Variants in DPP6 observed in about 807,000 individuals in gnomAD.
The protein encoded by DPP6 is dipeptidyl peptidase like 6, also known as A-type potassium channel modulatory protein DPP6.
DPP6 carries 69 observed loss-of-function variants against 122.6 expected under a neutral mutation model. The ratio of observed to expected loss-of-function variants is 0.56; its 90% CI spans 0.46 to 0.69. The LOEUF is 0.69. DPP6 is among the 30% of genes least tolerant of loss of function. The pLI is 0.00. For synonymous variants in DPP6, 418 were observed against 433.1 expected (o/e 0.97, Z 0.43); for missense variants, 928 against 1,116.9 (o/e 0.83, Z 2.41).
chr7:154,851,199 T>C (rs1802349517), intron 16 of DPP6, among the ~76,000 whole-genome samples: 1 of 152,120 alleles, frequency 6.6e-6, no homozygotes, highest in Non-Finnish European at 1.5e-5. Context: ...CAGTAGCTTT[T>C]TTATTGTATG....
At chr7:154,057,605 T>C (rs1800964804) in intron 1 of DPP6, 1 of 150,790 alleles carries the variant, frequency 6.6e-6, no homozygotes, top group Non-Finnish European at 1.5e-5. Context: ...GTGAGAGAAT[T>C]CTTAGGAGCT....
chr7:154,799,372 C>G (rs1350192073), intron 12 of DPP6, among the ~76,000 whole-genome samples: 1 of 152,120 alleles, frequency 6.6e-6, no homozygotes, highest in African/African-American at 2.4e-5. Context: ...GCAGGCAATC[C>G]CCCCTGCCAC....
intron 16 of DPP6, among the ~76,000 whole-genome samples, chr7:154,813,877 CTT>C (rs35188883): frequency 0.012 from 1,131 of 94,468 alleles, 7 homozygotes; most frequent in African/African-American, 0.043. Flanking sequence ...AAGCACATTT[CTT>C]TTTTTTTTTT....
At chr7:154,374,776 TA>T (rs1812987404) in intron 1 of DPP6, among the ~76,000 whole-genome samples, 1 of 151,964 alleles carries the variant, frequency 6.6e-6, no homozygotes. Context: ...CAGGCCCAGC[TA>T]ATTTTTGTAT....
chr7:154,304,191 T>G (rs1806100649), intron 1 of DPP6, among the ~76,000 whole-genome samples: 2 of 151,776 alleles, frequency 1.3e-5, no homozygotes, highest in African/African-American at 2.4e-5. Flanking sequence ...AGACCAGGAG[T>G]GGGAAATGCA....
At chr7:154,292,139 T>C (rs368347149) in intron 1 of DPP6, among the ~76,000 whole-genome samples, 3 of 152,168 alleles carry the variant, frequency 2.0e-5, no homozygotes, top group African/African-American at 7.2e-5. Flanking sequence ...TATAGAGATA[T>C]GGCACTCTTA....
At chr7:154,284,323 T>C (rs1804712266) in intron 1 of DPP6, among the ~76,000 whole-genome samples, 1 of 152,214 alleles carries the variant, frequency 6.6e-6, no homozygotes, top group African/African-American at 2.4e-5. Flanking sequence ...AAATTAGTTA[T>C]GTTTCTGAAA....
At chr7:154,693,350 T>C (rs531766065) in intron 7 of DPP6, among the ~76,000 whole-genome samples, 5 of 152,220 alleles carry the variant, frequency 3.3e-5, no homozygotes, top group South Asian at 2.1e-4. Flanking sequence ...CCAAGTGATA[T>C]TTTTCAGCTT....
chr7:153,824,523 C>T, the DPP6 span, among the ~76,000 whole-genome samples: 1 of 151,758 alleles, frequency 6.6e-6, no homozygotes, highest in African/African-American at 2.4e-5. Context: ...CCCACCTCTA[C>T]TAAAAATATA....
chr7:153,881,847 C>T, the DPP6 span, among the ~76,000 whole-genome samples: 2 of 152,148 alleles, frequency 1.3e-5, no homozygotes, highest in Admixed American at 1.3e-4. Flanking sequence ...TTTCAGCTGT[C>T]ATCACTTGCT....
chr7:154,457,157 C>T (rs1350027525), intron 2 of DPP6, among the ~76,000 whole-genome samples: 2 of 75,196 alleles, frequency 2.7e-5, no homozygotes, highest in African/African-American at 4.3e-5. Flanking sequence ...CAAAAGTGGG[C>T]GAAGGACATG....
chr7:153,949,108 G>A (rs1802085405), intron 1 of DPP6, among the ~76,000 whole-genome samples: 1 of 152,206 alleles, frequency 6.6e-6, no homozygotes, highest in South Asian at 2.1e-4. Flanking sequence ...CCTGCAGGCA[G>A]CTGGGGTGGT....
intron 1 of DPP6, among the ~76,000 whole-genome samples, chr7:154,125,767 C>T (rs1445959292): frequency 3.9e-5 from 6 of 152,102 alleles, no homozygotes; most frequent in Non-Finnish European, 8.8e-5. Context: ...AAAGCAGAGA[C>T]TCTATTGTGT....
intron 1 of DPP6, among the ~76,000 whole-genome samples, chr7:154,204,586 G>T (rs927073875): frequency 6.6e-6 from 1 of 152,154 alleles, no homozygotes. Context: ...TGGAAGGGAC[G>T]CTGCTCAGAC....
chr7:154,624,369 A>G lies in DPP6; in HGVS notation c.628-13452A>G, dbSNP rs1326421036. On this transcript the variant is annotated intron_variant, in intron 5 of 25. Transcript: ENST00000377770. This position sits in a 1 kb window ranked among gnomAD's most constrained non-coding sequence, Gnocchi z 4.7. ...CAGCTTGGTGTGGTGGTAGGTGCCTATAATCCCAGCTACTCAGAAGGCTGA... is the reference window on the plus strand; with the variant it reads ...CAGCTTGGTGTGGTGGTAGGTGCCTGTAATCCCAGCTACTCAGAAGGCTGA... Among the ~76,000 whole-genome samples, 1 of 150,368 alleles carries G rather than the reference A, an allele frequency of 6.7e-6. No individual in the cohort carries two copies. The highest frequency in any genetic ancestry group is 1.5e-5 in the Non-Finnish European group (1 of 67,832).
chr7:154,586,900 C>G (rs1391106260), intron 5 of DPP6, among the ~76,000 whole-genome samples: 1 of 152,236 alleles, frequency 6.6e-6, no homozygotes, highest in Non-Finnish European at 1.5e-5. Context: ...CTGTGAGCCC[C>G]TCATGAGCAG....
chr7:154,130,294 T>C (rs991735175), intron 1 of DPP6, among the ~76,000 whole-genome samples: 4 of 152,016 alleles, frequency 2.6e-5, no homozygotes, highest in Admixed American at 2.6e-4. Flanking sequence ...CACTGAAAAA[T>C]GGGTCTCGAT....
intron 1 of DPP6, among the ~76,000 whole-genome samples, chr7:154,278,891 GTA>G (rs200657947): frequency 0.073 from 11,007 of 151,762 alleles, 1,235 homozygotes; most frequent in African/African-American, 0.24. Context: ...GAGTATGTGT[GTA>G]TATGTGTGTG....
At chr7:154,766,197 G>C (rs1032224966) in intron 8 of DPP6, among the ~76,000 whole-genome samples, 1 of 152,116 alleles carries the variant, frequency 6.6e-6, no homozygotes, top group Non-Finnish European at 1.5e-5. Context: ...CAGGTTCTTC[G>C]CATGTGCCAC....
Sources: gnomAD v4.1 joint callset for allele counts (sites outside exome capture counted in the v4.1 genomes callset) on GRCh38, gnomAD v4.1.1 for gene constraint, Gnocchi (gnomAD v3.1) non-coding constraint, MANE v1.5 for transcripts, NCBI Gene and HGNC (gene_info 2026-07-23, HGNC 2026-07-21) for gene names.